Variants in CLMN observed in about 807,000 individuals in gnomAD.
The protein encoded by CLMN is calmin, also known as calmin (calponin-like, transmembrane).
Under a neutral mutation model 92.7 loss-of-function variants are expected in CLMN, and 57 were observed. The ratio of observed to expected loss-of-function variants is 0.61; its 90% CI spans 0.50 to 0.77. The LOEUF (loss-of-function observed/expected upper bound fraction) is 0.77. CLMN is among the 30% of genes least tolerant of loss of function. The pLI, the probability that CLMN is intolerant of heterozygous loss-of-function variation, is 0.00. For missense variants in CLMN, 1,158 were observed against 1,237.5 expected (o/e 0.94, Z 0.96); for synonymous variants, 466 against 470.6 (o/e 0.99, Z 0.13).
rs75801059 is a variant in CLMN, at chr14:95,256,065, G to A, written c.83-25932C>T. Among the ~76,000 whole-genome samples the A allele has an allele frequency of 0.091, 13,806 of 152,208 alleles. 644 individuals are homozygous for A. The highest frequency in any genetic ancestry group is 0.12 in the African/African-American group (4,784 of 41,520). On this transcript the variant is annotated intron_variant, in intron 1 of 12. Coordinates refer to ENST00000298912, the MANE Select transcript of CLMN (RefSeq NM_024734.4). This position sits in a 1 kb window ranked among gnomAD's most constrained non-coding sequence, Gnocchi z 4.9. ...GAAACTGAGGCACAGAAAGCTTAAC[G>A]AACTTGCCTGCAGTCATACAGCTAG...
In CLMN at chr14:95,204,313, G is replaced by T. The variant is rs1379617462; in HGVS notation, c.1036C>A (p.Pro346Thr). ...TCACAGACAAAGACTTTGGAGGGTG[G>T]TGGGTGGCTGGTTTCATGGTTAACA... is the stretch of plus-strand genomic sequence containing the variant. ...YTVNHETSHP[P>T]PSKVFVCDKP... Residue 346 changes from proline to threonine, a missense_variant, in exon 9 of 13, where the codon CCA becomes ACA. Pro to Thr is a conservative substitution (Grantham distance 38, BLOSUM62 -1). Coordinates refer to ENST00000298912, the MANE Select transcript of CLMN (RefSeq NM_024734.4). The T allele has an allele frequency of 6.2e-7, 1 of 1,614,128 alleles. No homozygotes were observed. The highest frequency in any genetic ancestry group is 8.5e-7 in the Non-Finnish European group (1 of 1,180,016).
intron 1 of CLMN, among the ~76,000 whole-genome samples, chr14:95,292,298 G>T (rs1041957610): frequency 6.6e-6 from 1 of 152,158 alleles, no homozygotes; most frequent in Admixed American, 6.5e-5. Flanking sequence ...TTATACAGTG[G>T]ACATGTACTA....
intron 1 of CLMN, among the ~76,000 whole-genome samples, chr14:95,263,752 T>C: frequency 6.6e-6 from 1 of 152,228 alleles, no homozygotes; most frequent in East Asian, 1.9e-4. Context: ...GGATACATTT[T>C]GTAAGTTGTG....
chr14:95,227,787 C>T (rs1897759778), intron 2 of CLMN, among the ~76,000 whole-genome samples: 1 of 152,210 alleles, frequency 6.6e-6, no homozygotes, highest in Admixed American at 6.5e-5. Context: ...CATGATCTAA[C>T]TCCTTCGGTA....
At chr14:95,204,535 C>T in intron 8 of CLMN, 72 bp from the exon 9 acceptor site, 1 of 1,351,664 alleles carries the variant, frequency 7.4e-7, no homozygotes, top group Non-Finnish European at 9.9e-7. Context: ...CACAGAGCAA[C>T]ATGAGTAAGA....
chr14:95,227,693 G>A (rs1451065520), intron 2 of CLMN, among the ~76,000 whole-genome samples: 3 of 152,174 alleles, frequency 2.0e-5, no homozygotes, highest in Non-Finnish European at 4.4e-5. Flanking sequence ...CCTGCGCCAG[G>A]GAAAACACTC....
intron 6 of CLMN, 99 bp from the exon 7 acceptor site, chr14:95,210,978 G>A (rs1231578975): frequency 8.5e-6 from 11 of 1,299,632 alleles, no homozygotes; most frequent in Admixed American, 2.8e-5. Context: ...TTTGAGTGGG[G>A]CAGAGCTGCC....
chr14:95,284,517 A>G (rs574766516), intron 1 of CLMN, among the ~76,000 whole-genome samples: 5 of 152,334 alleles, frequency 3.3e-5, no homozygotes, highest in African/African-American at 1.2e-4. Flanking sequence ...AACAGCCAGG[A>G]GGGAGGCTGT....
chr14:95,225,144 A>G (rs970041372), intron 2 of CLMN, among the ~76,000 whole-genome samples: 4 of 140,216 alleles, frequency 2.9e-5, no homozygotes, highest in African/African-American at 1.1e-4. Context: ...CTAACTCATT[A>G]AAGTTGTACC....
intron 9 of CLMN, chr14:95,198,890 CATTTT>C (rs1896798350): frequency 6.6e-6 from 1 of 152,120 alleles, no homozygotes; most frequent in Non-Finnish European, 1.5e-5. Context: ...ACTAATTCAT[CATTTT>C]ATTTTATTTA....
intron 1 of CLMN, among the ~76,000 whole-genome samples, chr14:95,279,335 T>C (rs151170503): frequency 3.4e-3 from 514 of 152,356 alleles, no homozygotes; most frequent in African/African-American, 0.012. Context: ...CTTCTATGAC[T>C]TGATAATTGC....
Position 95,210,778 on chromosome 14 carries a change from T to C in CLMN, c.710A>G (p.Gln237Arg). The C allele has an allele frequency of 1.2e-6, 2 of 1,603,754 alleles. No individual in the cohort carries two copies. The highest frequency in any genetic ancestry group is 1.7e-6 in the Non-Finnish European group (2 of 1,175,938). Reference sequence around the variant, plus strand: ...TTCTCGTGTGGAATTTTCCAGGGCCTGTTTCATGTCCACCAGGCTGGGGTC... The same window carrying C: ...TTCTCGTGTGGAATTTTCCAGGGCCCGTTTCATGTCCACCAGGCTGGGGTC... ...AIDPSLVDMK[Q>R]ALENSTRENL... is the part of the protein sequence containing the mutation. Residue 237 changes from glutamine to arginine, a missense_variant, in exon 7 of 13, where the codon CAG (glutamine) becomes CGG (arginine). Gln to Arg is a conservative substitution (Grantham distance 43). Transcript: ENST00000298912.
chr14:95,215,827 G>C (rs1015749055), intron 4 of CLMN, 94 bp from the exon 5 acceptor site: 62 of 178,162 alleles, frequency 3.5e-4, no homozygotes, highest in East Asian at 1.8e-3. Context: ...GTGTGTGTGT[G>C]TGTGTGTGTG....
Position 95,191,818 on chromosome 14 carries a change from G to T in CLMN, c.2841-86C>A. The T allele has an allele frequency of 7.4e-7, 1 of 1,346,868 alleles. No individual in the cohort carries two copies. The highest frequency in any genetic ancestry group is 1.0e-6 in the Non-Finnish European group (1 of 993,222). 83.4% of individuals were successfully genotyped at this position (1,346,868 alleles called of 1,614,324 possible). A position where few individuals can be genotyped will look rare whatever the true frequency, so the allele number is the denominator to read the frequency against. ...ACCCAGTGCTACCCGTCTCTCCCCG[G>T]CCCCCACTCCCCGCCTGAAGACCCG... On this transcript the variant is annotated intron_variant, in intron 12 of 12. Coordinates refer to ENST00000298912, the MANE Select transcript of CLMN (RefSeq NM_024734.4). This position sits in a 1 kb window ranked among gnomAD's most constrained non-coding sequence, Gnocchi z 5.3.
intron 5 of CLMN, 49 bp from the exon 6 acceptor site, chr14:95,213,458 A>C: frequency 1.3e-6 from 2 of 1,539,334 alleles, no homozygotes; most frequent in Non-Finnish European, 1.8e-6. Flanking sequence ...CCACCCTCTC[A>C]GCAAGCCCCT....
chr14:95,283,149 G>A (rs1900203645), intron 1 of CLMN, among the ~76,000 whole-genome samples: 1 of 152,204 alleles, frequency 6.6e-6, no homozygotes, highest in Non-Finnish European at 1.5e-5. Context: ...TGAGTCACAG[G>A]GGCCTGTATT....
At chr14:95,228,832 G>A (rs1479904579) in intron 2 of CLMN, among the ~76,000 whole-genome samples, 4 of 152,122 alleles carry the variant, frequency 2.6e-5, no homozygotes, top group African/African-American at 7.2e-5. Flanking sequence ...GAGCCACCAC[G>A]CCCAGCTAAT....
chr14:95,249,208 G>A (rs1898687786), intron 1 of CLMN, among the ~76,000 whole-genome samples: 1 of 152,214 alleles, frequency 6.6e-6, no homozygotes, highest in Admixed American at 6.5e-5. Context: ...ACAGCTGGCT[G>A]CCTGCCCAAT....
chr14:95,276,808 A>C (rs969502946), intron 1 of CLMN, among the ~76,000 whole-genome samples: 7 of 152,260 alleles, frequency 4.6e-5, no homozygotes, highest in South Asian at 2.1e-4. Context: ...TGGGTGGATA[A>C]TGTCTGTGTT....
Sources: allele counts gnomAD v4.1 joint callset (sites outside exome capture counted in the v4.1 genomes callset), GRCh38; gene constraint gnomAD v4.1.1; non-coding constraint Gnocchi (gnomAD v3.1); transcripts MANE v1.5; gene names NCBI Gene and HGNC (gene_info 2026-07-23, HGNC 2026-07-21).